Variants in ERC1 observed in about 807,000 individuals in gnomAD.
The protein encoded by ERC1 is RAB6 interacting protein 2.
Under a neutral mutation model 132.0 loss-of-function variants are expected in ERC1, and 56 were observed. The observed-to-expected ratio is 0.42, with a 90% confidence interval of 0.34 to 0.53. The LOEUF is 0.53. Among genes scored for constraint, ERC1 ranks in the 20% least tolerant of loss-of-function variants. ERC1 has a pLI of 0.03. For missense variants in ERC1, 1,202 were observed against 1,349.9 expected (o/e 0.89, Z 1.72); for synonymous variants, 478 against 476.1 (o/e 1.00, Z -0.05).
chr12:1,405,419 G>A (rs1343709565), intron 16 of ERC1, among the ~76,000 whole-genome samples: 1 of 151,906 alleles, frequency 6.6e-6, no homozygotes, highest in Non-Finnish European at 1.5e-5. Context: ...TATCCATTCA[G>A]GGGACCAGGC....
intron 14 of ERC1, among the ~76,000 whole-genome samples, chr12:1,271,723 C>T (rs1036599805): frequency 2.6e-5 from 4 of 152,138 alleles, no homozygotes; most frequent in Admixed American, 2.6e-4. Context: ...GCCAAGTTTT[C>T]TCTTCTGAGA....
In ERC1 at chr12:1,385,816, T is replaced by A; in HGVS notation, c.2925+13839T>A. 1.3e-5 allele frequency: 2 copies of A among 152,138 alleles called. 1 individual carries two copies. Among genetic ancestry groups the A allele is most frequent in the East Asian group, 3.9e-4 (2 of 5,194 alleles). The allele number at this position is 152,138 out of a possible 1,614,324, so 9.4% of individuals were successfully genotyped here. ...ATGGCTGTGCACTGAAGTAACTATT[T>A]CTCTTAATACATATTTTAACAATCT... On this transcript the variant is annotated intron_variant, in intron 16 of 18. Coordinates refer to ENST00000360905, the MANE Select transcript of ERC1 (RefSeq NM_178040.4).
intron 1 of ERC1, among the ~76,000 whole-genome samples, chr12:1,013,856 C>T (rs1205494124): frequency 3.9e-5 from 6 of 152,058 alleles, no homozygotes; most frequent in South Asian, 2.1e-4. Context: ...TACAGCCTCC[C>T]AAGTAGCTAG....
intron 12 of ERC1, among the ~76,000 whole-genome samples, chr12:1,232,245 T>A (rs1319964108): frequency 6.6e-6 from 1 of 152,218 alleles, no homozygotes; most frequent in African/African-American, 2.4e-5. Context: ...CAAAATTTCC[T>A]CTTTGCCTTT....
chr12:1,432,632 T>C (rs1234589071), intron 17 of ERC1, among the ~76,000 whole-genome samples: 1 of 152,260 alleles, frequency 6.6e-6, no homozygotes, highest in Non-Finnish European at 1.5e-5. Flanking sequence ...CTTAACTATG[T>C]GGCAGGCACA....
chr12:1,274,349 A>G (rs2078092223), intron 14 of ERC1, among the ~76,000 whole-genome samples: 2 of 152,216 alleles, frequency 1.3e-5, no homozygotes, highest in South Asian at 4.1e-4. Context: ...TGATCACAGA[A>G]ATAAACATAT....
intron 3 of ERC1, among the ~76,000 whole-genome samples, chr12:1,099,721 C>T (rs1565962953): frequency 6.7e-6 from 1 of 149,964 alleles, no homozygotes; most frequent in African/African-American, 2.5e-5. Flanking sequence ...AATAAACAAA[C>T]AGTTATAAAT....
rs1955930640 is a variant in ERC1, at chr12:1,193,473, CATATATACACACAT to C, written c.2351+3427_2351+3440del. On this transcript the variant is annotated intron_variant, in intron 12 of 18. Coordinates refer to ENST00000360905, the MANE Select transcript of ERC1 (RefSeq NM_178040.4). ...ACACACACATAGAGATAGATAAATA[CATATATACACACAT>C]ATATAAACACACACAAGCATACATA... 3.3e-5 allele frequency among the ~76,000 whole-genome samples: 5 copies of C among 151,770 alleles called. No individual in the cohort carries two copies. In the South Asian group the frequency reaches 1.0e-3, roughly 32 times the overall value.
chr12:1,493,858 G>A lies in ERC1; in HGVS notation c.*3628G>A, dbSNP rs925564707. 4 of 227,568 alleles carry A rather than the reference G, an allele frequency of 1.8e-5. No homozygotes were observed. Among genetic ancestry groups the A allele is most frequent in the Admixed American group, 1.1e-4 (2 of 17,516 alleles). The allele number at this position is 227,568 out of a possible 1,614,324, so 14.1% of individuals were successfully genotyped here. On this transcript the variant is annotated 3_prime_UTR_variant, in exon 19 of 19. Coordinates refer to ENST00000360905, the MANE Select transcript of ERC1 (RefSeq NM_178040.4). ...AGGAAGGCGAAGTCATCACAGACACGGTCTTAGCCACCTGCTGAACTAATC... is the reference window on the plus strand; with the variant it reads ...AGGAAGGCGAAGTCATCACAGACACAGTCTTAGCCACCTGCTGAACTAATC...
chr12:1,084,038 G>A (rs189537166), intron 3 of ERC1, among the ~76,000 whole-genome samples: 14 of 152,286 alleles, frequency 9.2e-5, no homozygotes, highest in Admixed American at 3.9e-4. Flanking sequence ...TTGCCCTGTG[G>A]TTTCCATGGA....
chr12:1,376,012 A>G (rs2087867586), intron 16 of ERC1, among the ~76,000 whole-genome samples: 1 of 152,070 alleles, frequency 6.6e-6, no homozygotes, highest in Non-Finnish European at 1.5e-5. Context: ...CTGGGATTAC[A>G]GGCGTGAGCC....
intron 15 of ERC1, among the ~76,000 whole-genome samples, chr12:1,293,497 C>T (rs1385766617): frequency 6.7e-5 from 8 of 119,306 alleles, no homozygotes; most frequent in South Asian, 2.7e-4. Context: ...GGCGTGGTGG[C>T]GTGCGCCTGT....
chr12:1,421,376 G>T (rs906752386), intron 17 of ERC1, among the ~76,000 whole-genome samples: 7 of 152,110 alleles, frequency 4.6e-5, no homozygotes, highest in Non-Finnish European at 8.8e-5. Context: ...TCCTCCCCAA[G>T]AACTCAGAGG....
chr12:1,404,502 G>T (rs965293839), intron 16 of ERC1, among the ~76,000 whole-genome samples: 2 of 152,072 alleles, frequency 1.3e-5, no homozygotes, highest in Admixed American at 1.3e-4. Flanking sequence ...AAAAACAGAA[G>T]AAAAACATTA....
chr12:1,481,023 T>C (rs533569198), intron 18 of ERC1: 3 of 608,288 alleles, frequency 4.9e-6, no homozygotes, highest in East Asian at 2.8e-5. Context: ...TCTATACATA[T>C]ATACCTGAGA....
Position 1,465,896 on chromosome 12 carries a change from C to T in ERC1, c.3213+21146C>T, listed in dbSNP as rs543411777. On this transcript the variant is annotated intron_variant, in intron 18 of 18. Coordinates refer to ENST00000360905, the MANE Select transcript of ERC1 (RefSeq NM_178040.4). ...GATGCTGGGGCCACTGCCACAGTCG[C>T]GGGTTTTCTCCCAGACCCCCTTCTG... Among the ~76,000 whole-genome samples the T allele has an allele frequency of 1.8e-4, 27 of 152,304 alleles. No homozygotes were observed. The East Asian group carries it at 4.0e-3, about 23-fold the overall frequency.
intron 14 of ERC1, among the ~76,000 whole-genome samples, chr12:1,267,628 G>A (rs568350728): frequency 6.6e-6 from 1 of 152,072 alleles, no homozygotes; most frequent in Non-Finnish European, 1.5e-5. Context: ...CGGGCATGAG[G>A]GGGTATGCCT....
chr12:1,242,842 A>G (rs1463382421), intron 13 of ERC1, among the ~76,000 whole-genome samples: 1 of 152,216 alleles, frequency 6.6e-6, no homozygotes, highest in Non-Finnish European at 1.5e-5. Context: ...ATAAATAGAA[A>G]ATAATATAGT....
At position 1,104,735 on chromosome 12, in the gene ERC1, G is replaced by C. The variant is rs947284384; in HGVS notation, c.1087-15G>C. The C allele has an allele frequency of 2.2e-5, 35 of 1,599,022 alleles. No homozygotes were observed. Among genetic ancestry groups the C allele is most frequent in the Non-Finnish European group, 2.7e-5 (31 of 1,166,508 alleles). On this transcript the variant is annotated splice_polypyrimidine_tract_variant and intron_variant, in intron 3 of 18. Transcript: ENST00000360905. ...ACAGGAGAGCACTGAATCTCTTTCT[G>C]CCTCTTTTCTACAGGAGATGCATCG...
Sources: allele counts gnomAD v4.1 joint callset (sites outside exome capture counted in the v4.1 genomes callset), GRCh38; gene constraint gnomAD v4.1.1; transcripts MANE v1.5; gene names NCBI Gene and HGNC (gene_info 2026-07-23, HGNC 2026-07-21).